Variants in ZFP30 observed in about 807,000 individuals in gnomAD.
ZFP30 encodes zinc finger protein 30 homolog.
A neutral mutation model predicts 12.3 loss-of-function variants in ZFP30; 16 were observed. The observed-to-expected ratio is 1.30, with a 90% confidence interval of 0.88 to 1.98. The LOEUF (loss-of-function observed/expected upper bound fraction) is 1.98. Ranked by LOEUF, ZFP30 falls within the 30% of genes most tolerant of loss-of-function variation. ZFP30 has a pLI of 0.00. For missense variants in ZFP30, 560 were observed against 611.2 expected (o/e 0.92, Z 0.88); for synonymous variants, 172 against 201.0 (o/e 0.86, Z 1.22).
intron 5 of ZFP30, among the ~76,000 whole-genome samples, chr19:37,641,433 A>G (rs2927743): frequency 0.49 from 74,021 of 152,062 alleles, 19,723 homozygotes; most frequent in Non-Finnish European, 0.62. Context: ...TAACTCTAAA[A>G]CAAACAAATG....
chr19:37,652,070 C>T (rs923464480), intron 2 of ZFP30, among the ~76,000 whole-genome samples: 8 of 152,080 alleles, frequency 5.3e-5, no homozygotes, highest in Non-Finnish European at 1.0e-4. Context: ...TAAATCTCAA[C>T]TTAACTGAAA....
intron 5 of ZFP30, among the ~76,000 whole-genome samples, chr19:37,643,052 C>CAGAAAAAAAA (rs2044467920): frequency 1.6e-5 from 1 of 61,440 alleles, no homozygotes; most frequent in Admixed American, 1.8e-4. Flanking sequence ...GACTCCGTCT[C>CAGAAAAAAAA]AAAAAAAAAA....
chr19:37,650,895 G>C (rs528686321), intron 2 of ZFP30, among the ~76,000 whole-genome samples: 1 of 151,810 alleles, frequency 6.6e-6, no homozygotes, highest in East Asian at 1.9e-4. Flanking sequence ...ACACCACCAC[G>C]CCCAGCTAAT....
chr19:37,646,984 A>G (rs890252706), intron 3 of ZFP30, among the ~76,000 whole-genome samples: 1 of 152,128 alleles, frequency 6.6e-6, no homozygotes, highest in Non-Finnish European at 1.5e-5. Flanking sequence ...ATTAAAATAA[A>G]CTACATGTGT....
Position 37,634,830 on chromosome 19 carries a change from G to T in ZFP30, c.*151C>A. 1.2e-6 allele frequency: 1 copy of T among 847,930 alleles called. No homozygotes were observed. Among genetic ancestry groups the T allele is most frequent in the Non-Finnish European group, 1.7e-6 (1 of 601,482 alleles). The allele number at this position is 847,930 out of a possible 1,614,324, so 52.5% of individuals were successfully genotyped here. On this transcript the variant is annotated 3_prime_UTR_variant, in exon 6 of 6. Transcript: ENST00000684514. Reference sequence around the variant, plus strand: ...CAAAGGTGATGAAAGGCTTCTATATGTTCATTAACATATTCTTTCCTTTAA... The same window carrying T: ...CAAAGGTGATGAAAGGCTTCTATATTTTCATTAACATATTCTTTCCTTTAA...
At chr19:37,651,976 T>C (rs372713611) in intron 2 of ZFP30, among the ~76,000 whole-genome samples, 3 of 152,246 alleles carry the variant, frequency 2.0e-5, no homozygotes, top group African/African-American at 7.2e-5. Flanking sequence ...TTTTAGACCA[T>C]TAAAGGGAAA....
chr19:37,647,924 TGAGAA>T, intron 2 of ZFP30, 25 bp from the exon 3 acceptor site: 1 of 1,416,052 alleles, frequency 7.1e-7, no homozygotes. Flanking sequence ...TGTAAAATCA[TGAGAA>T]GAGAACTGCC....
chr19:37,645,712 C>A (rs775512805), intron 3 of ZFP30, among the ~76,000 whole-genome samples: 2 of 150,960 alleles, frequency 1.3e-5, no homozygotes, highest in Non-Finnish European at 2.9e-5. Context: ...CTAAAAAATT[C>A]TCAATAAATG....
At chr19:37,648,939 T>C (rs1004995229) in intron 2 of ZFP30, among the ~76,000 whole-genome samples, 2 of 152,174 alleles carry the variant, frequency 1.3e-5, no homozygotes, top group Admixed American at 6.5e-5. Context: ...TGGATAATGT[T>C]CTAGAAGCTA....
chr19:37,656,216 C>T, upstream of ZFP30: 1 of 152,594 alleles, frequency 6.6e-6, no homozygotes, highest in Non-Finnish European at 1.5e-5. Flanking sequence ...TAGGATGGTG[C>T]CGCAGAGAAG....
At position 37,632,937 on chromosome 19, in the gene ZFP30, C is replaced by A. The variant is rs1444852320; in HGVS notation, c.*2044G>T. On this transcript the variant is annotated 3_prime_UTR_variant, in exon 6 of 6. Transcript: ENST00000684514. Reference sequence around the variant, plus strand: ...CTGTAATCCCAGCACCTTGGGAGGCCAAGGCAGGTGGATCACCTGAGGTCA... The same window carrying A: ...CTGTAATCCCAGCACCTTGGGAGGCAAAGGCAGGTGGATCACCTGAGGTCA... 1 of 152,100 alleles carries A rather than the reference C, an allele frequency of 6.6e-6. No homozygotes were observed. Among genetic ancestry groups the A allele is most frequent in the Non-Finnish European group, 1.5e-5 (1 of 68,044 alleles). 9.4% of individuals were successfully genotyped at this position (152,100 alleles called of 1,614,324 possible). A position where few individuals can be genotyped will look rare whatever the true frequency, so the allele number is the denominator to read the frequency against.
intron 5 of ZFP30, among the ~76,000 whole-genome samples, chr19:37,637,077 G>C (rs1321772428): frequency 1.3e-5 from 2 of 152,012 alleles, no homozygotes; most frequent in Admixed American, 1.3e-4. Flanking sequence ...ACTTGGGTTT[G>C]CATGGTTGGG....
chr19:37,644,199 G>C (rs955005477), intron 4 of ZFP30, among the ~76,000 whole-genome samples: 5 of 152,216 alleles, frequency 3.3e-5, no homozygotes, highest in African/African-American at 1.2e-4. Flanking sequence ...GTGCTTAATA[G>C]TGGTACTTAC....
intron 5 of ZFP30, among the ~76,000 whole-genome samples, chr19:37,637,026 T>C (rs913100142): frequency 6.6e-6 from 1 of 152,014 alleles, no homozygotes; most frequent in Non-Finnish European, 1.5e-5. Flanking sequence ...TTTCCACTTT[T>C]TGGAGCTTTT....
At chr19:37,653,977 A>C (rs1002382365) in intron 2 of ZFP30, among the ~76,000 whole-genome samples, 2 of 152,228 alleles carry the variant, frequency 1.3e-5, no homozygotes, top group South Asian at 4.1e-4. Context: ...TTGGAAATAC[A>C]CAAAGCTGAT....
chr19:37,643,406 G>T (rs1353796653), intron 4 of ZFP30, 43 bp from the exon 5 acceptor site: 1 of 1,357,256 alleles, frequency 7.4e-7, no homozygotes, highest in Non-Finnish European at 9.8e-7. Flanking sequence ...TTTATTTAAG[G>T]CTTCAAAACA....
chr19:37,642,540 A>G (rs941825205), intron 5 of ZFP30, among the ~76,000 whole-genome samples: 2 of 152,138 alleles, frequency 1.3e-5, no homozygotes, highest in African/African-American at 4.8e-5. Context: ...TATTTTAGTA[A>G]TCCATTTACT....
upstream of ZFP30, chr19:37,656,220 A>G (rs1175538008): frequency 6.6e-6 from 1 of 152,304 alleles, no homozygotes; most frequent in African/African-American, 2.4e-5. Context: ...ATGGTGCCGC[A>G]GAGAAGGCTG....
At chr19:37,638,311 A>G (rs1219112961) in intron 5 of ZFP30, among the ~76,000 whole-genome samples, 5 of 152,190 alleles carry the variant, frequency 3.3e-5, no homozygotes, top group Non-Finnish European at 5.9e-5. Flanking sequence ...TATCTTCCTG[A>G]AAGTCCCCAT....
Sources: gnomAD v4.1 joint callset for allele counts (sites outside exome capture counted in the v4.1 genomes callset) on GRCh38, gnomAD v4.1.1 for gene constraint, MANE v1.5 for transcripts, NCBI Gene and HGNC (gene_info 2026-07-23, HGNC 2026-07-21) for gene names.